Variants in ARPC3 observed in about 807,000 individuals in gnomAD.
ARPC3 encodes actin-related protein 2/3 complex subunit 3.
Under a neutral mutation model 27.6 loss-of-function variants are expected in ARPC3, and 12 were observed. That is an observed-to-expected ratio of 0.43 (90% CI 0.28 to 0.70). The LOEUF is 0.70. ARPC3 is among the 30% of genes least tolerant of loss of function. The probability of loss-of-function intolerance (pLI) is 0.17; values close to 1 mark genes in which losing one functional copy is unlikely to be tolerated. For synonymous variants in ARPC3, 53 were observed against 67.2 expected (o/e 0.79, Z 1.03); for missense variants, 153 against 207.7 (o/e 0.74, Z 1.62).
chr12:110,438,169 G>A (rs1286000559), intron 3 of ARPC3, among the ~76,000 whole-genome samples: 1 of 151,832 alleles, frequency 6.6e-6, no homozygotes. Flanking sequence ...GGTGGCGTGC[G>A]CCTGTAATCC....
intron 2 of ARPC3, among the ~76,000 whole-genome samples, chr12:110,441,663 C>T (rs542416461): frequency 5.3e-5 from 8 of 150,928 alleles, no homozygotes; most frequent in Non-Finnish European, 8.9e-5. Flanking sequence ...CCCAGGTAGC[C>T]GGGACTACAG....
chr12:110,435,985 A>G, intron 6 of ARPC3, 125 bp downstream of exon 6: 1 of 813,002 alleles, frequency 1.2e-6, no homozygotes, highest in Non-Finnish European at 2.2e-6. Context: ...CATATACTGG[A>G]AGTTAAGCAA....
At chr12:110,436,526 TCA>T in intron 5 of ARPC3, 29 bp downstream of exon 5, 2 of 1,613,612 alleles carry the variant, frequency 1.2e-6, no homozygotes, top group Non-Finnish European at 1.7e-6. Context: ...TCTTCTTGTG[TCA>T]CAGAGTGAGG....
rs139166655 is a variant in ARPC3 at position 110,444,358 on chromosome 12, C to G, written c.106+1094G>C. Among the ~76,000 whole-genome samples, 204 of 151,502 alleles carry G rather than the reference C, an allele frequency of 1.3e-3. 1 individual carries two copies. The highest frequency in any genetic ancestry group is 6.8e-3 in the Middle Eastern group (2 of 294). ...GGAGTGCAGTGGTGCAATCTTGGCT[C>G]ACTGCAACCTCCACCCTCTGTGTTC... On this transcript the variant is annotated intron_variant, in intron 2 of 6. Coordinates refer to ENST00000228825, the MANE Select transcript of ARPC3 (RefSeq NM_001278556.2).
chr12:110,445,565 C>A lies in ARPC3; in HGVS notation c.7-14G>T. 2 of 1,567,542 alleles carry A rather than the reference C, an allele frequency of 1.3e-6. No individual in the cohort carries two copies. The highest frequency in any genetic ancestry group is 2.7e-5 in the African/African-American group (2 of 73,882). ...AGAGTGGTAAGCCTGTAATGGCAAG[C>A]CCAGGAAGAACACAGAAGCAGAAAA... On this transcript the variant is annotated splice_polypyrimidine_tract_variant and intron_variant, in intron 1 of 6. Coordinates refer to ENST00000228825, the MANE Select transcript of ARPC3 (RefSeq NM_001278556.2).
intron 2 of ARPC3, among the ~76,000 whole-genome samples, chr12:110,441,587 G>C (rs2062437946): frequency 6.6e-6 from 1 of 152,064 alleles, no homozygotes; most frequent in Admixed American, 6.6e-5. Context: ...CTGGAGTGCA[G>C]TGGTACAATT....
intron 2 of ARPC3, chr12:110,445,175 T>C (rs1240962982): frequency 2.5e-6 from 1 of 393,318 alleles, no homozygotes; most frequent in Non-Finnish European, 4.7e-6. Flanking sequence ...AGCATTAGAT[T>C]TGTTTGAAAG....
At chr12:110,449,626 C>CA (rs2062488545) in intron 1 of ARPC3, among the ~76,000 whole-genome samples, 2 of 152,258 alleles carry the variant, frequency 1.3e-5, no homozygotes, top group Admixed American at 1.3e-4. Flanking sequence ...CCCGAATCTG[C>CA]AAAATGGAGA....
In ARPC3 at chr12:110,450,269, C is replaced by G. The variant is rs991493335; in HGVS notation, c.-9G>C. On this transcript the variant is annotated 5_prime_UTR_variant, in exon 1 of 7. Coordinates refer to ENST00000228825, the MANE Select transcript of ARPC3 (RefSeq NM_001278556.2). ...CGAACCCTCACCGGCATCTTGGCGG[C>G]GCCCGGGTTTCAACCCAGAGGAGCA... The G allele has an allele frequency of 2.5e-5, 40 of 1,614,070 alleles. No homozygotes were observed. The highest frequency in any genetic ancestry group is 3.4e-5 in the Non-Finnish European group (40 of 1,179,968).
In ARPC3 at chr12:110,436,552, C is replaced by A; in HGVS notation, c.379+5G>T. ...CACAGAGTGAGGATAGAGACCTGTT[C>A]TTACCATCTTCCTGTTTGTTTGCAG... On this transcript the variant is annotated splice_donor_5th_base_variant and intron_variant, in intron 5 of 6. Coordinates refer to ENST00000228825, the MANE Select transcript of ARPC3 (RefSeq NM_001278556.2). The A allele has an allele frequency of 6.2e-7, 1 of 1,613,898 alleles. No individual in the cohort carries two copies. Among genetic ancestry groups the A allele is most frequent in the Admixed American group, 1.7e-5 (1 of 59,984 alleles).
intron 2 of ARPC3, 169 bp from the exon 3 acceptor site, chr12:110,440,557 T>C: frequency 1.6e-6 from 1 of 607,360 alleles, no homozygotes; most frequent in Non-Finnish European, 3.0e-6. Flanking sequence ...TTTATTTGTT[T>C]TTTTTTTGAG....
intron 2 of ARPC3, among the ~76,000 whole-genome samples, chr12:110,442,139 A>T (rs2062440936): frequency 6.6e-6 from 1 of 151,896 alleles, no homozygotes; most frequent in Admixed American, 6.6e-5. Context: ...AGTAGCTAGG[A>T]TTACAGGCAT....
chr12:110,449,821 G>C (rs1592957309), intron 1 of ARPC3, among the ~76,000 whole-genome samples: 1 of 152,320 alleles, frequency 6.6e-6, no homozygotes, highest in Non-Finnish European at 1.5e-5. Context: ...CTGCCGGGAA[G>C]TGGGTTCTGA....
intron 1 of ARPC3, among the ~76,000 whole-genome samples, chr12:110,446,776 T>C (rs2062466955): frequency 1.3e-5 from 2 of 151,432 alleles, no homozygotes; most frequent in Admixed American, 1.3e-4. Flanking sequence ...GCCCAGCTAA[T>C]TTTTGTATTT....
intron 2 of ARPC3, among the ~76,000 whole-genome samples, chr12:110,441,535 C>T (rs1394854659): frequency 5.9e-5 from 9 of 151,840 alleles, no homozygotes; most frequent in Admixed American, 5.9e-4. Flanking sequence ...TCAATCAAAA[C>T]AGTTTTATTT....
At chr12:110,438,629 A>T (rs2062418455) in intron 3 of ARPC3, among the ~76,000 whole-genome samples, 1 of 150,540 alleles carries the variant, frequency 6.6e-6, no homozygotes, top group African/African-American at 2.4e-5. Flanking sequence ...AATTACCCCC[A>T]AACCACACCA....
rs576908307 is a variant in ARPC3 at position 110,448,546 on chromosome 12, C to T, written c.6+1709G>A. Among the ~76,000 whole-genome samples, 100 of 151,410 alleles carry T rather than the reference C, an allele frequency of 6.6e-4. 3 individuals carry two copies. The South Asian group carries it at 0.019, about 28-fold the overall frequency. ...ACAAAAACTTAGCTGGGCATGGTGG[C>T]GTACACCTGTAGTCCCAGCTGCTCA... On this transcript the variant is annotated intron_variant, in intron 1 of 6. Transcript: ENST00000228825.
In ARPC3 at chr12:110,438,117, G is replaced by A. The variant is rs191644741; in HGVS notation, c.184-965C>T. Among the ~76,000 whole-genome samples the A allele has an allele frequency of 4.0e-5, 6 of 151,790 alleles. No individual in the cohort carries two copies. The East Asian group carries it at 7.8e-4, about 20-fold the overall frequency. ...TTGAGACCAGCCTGGGCAACATGGC[G>A]AAACACCGTCTCTACTAAAAATACA... On this transcript the variant is annotated intron_variant, in intron 3 of 6. Transcript: ENST00000228825.
chr12:110,436,697 T>TATATATATATATACACACACACACAC lies in ARPC3; in HGVS notation c.253-15_253-14insGTGTGTGTGTGTGTATATATATATAT. ...TTTGGAATTGCACTGGAAAAAAAAATATATATATATATATACACACACACA... is the reference window on the plus strand; with the variant it reads ...TTTGGAATTGCACTGGAAAAAAAAATATATATATATATACACACACACACACATATATATATATATACACACACACA... On this transcript the variant is annotated splice_polypyrimidine_tract_variant and intron_variant, in intron 4 of 6. Transcript: ENST00000228825. 1.7e-6 allele frequency: 1 copy of TATATATATATATACACACACACACAC among 602,736 alleles called. No homozygotes were observed. Among genetic ancestry groups the TATATATATATATACACACACACACAC allele is most frequent in the Non-Finnish European group, 2.6e-6 (1 of 383,114 alleles). 37.3% of individuals were successfully genotyped at this position (602,736 alleles called of 1,614,324 possible).
Sources: allele counts gnomAD v4.1 joint callset (sites outside exome capture counted in the v4.1 genomes callset), GRCh38; gene constraint gnomAD v4.1.1; transcripts MANE v1.5; gene names NCBI Gene and HGNC (gene_info 2026-07-23, HGNC 2026-07-21).